PAK1: variants seen among roughly 807,000 people sequenced by gnomAD.
The protein encoded by PAK1 is serine/threonine-protein kinase PAK 1.
Under a neutral mutation model 67.4 loss-of-function variants are expected in PAK1, and 29 were observed. That is an observed-to-expected ratio of 0.43 (90% confidence interval 0.32 to 0.59). The LOEUF (loss-of-function observed/expected upper bound fraction) is 0.59. PAK1 is among the 20% of genes least tolerant of loss of function. The pLI is 0.07. For synonymous variants in PAK1, 223 were observed against 237.4 expected, an observed-to-expected ratio of 0.94 and a Z score of 0.56; for missense variants, 337 against 670.7, an observed-to-expected ratio of 0.50 and a Z score of 5.50.
intron 5 of PAK1, among the ~76,000 whole-genome samples, chr11:77,359,587 T>C (rs1946504140): frequency 6.6e-6 from 1 of 152,146 alleles, no homozygotes; most frequent in Admixed American, 6.5e-5. Context: ...ATCAGGATCA[T>C]GTTATCTAAA....
intron 14 of PAK1, among the ~76,000 whole-genome samples, chr11:77,325,168 T>C (rs147558547): frequency 3.0e-3 from 461 of 152,296 alleles, no homozygotes; most frequent in African/African-American, 0.011. Flanking sequence ...CAACATCGAA[T>C]TGGGAGGCCT....
intron 1 of PAK1, among the ~76,000 whole-genome samples, chr11:77,398,827 T>C (rs1952197721): frequency 6.6e-6 from 1 of 152,368 alleles, no homozygotes; most frequent in Middle Eastern, 3.4e-3. Flanking sequence ...GAGGTAATTC[T>C]AGCCCCTTTG....
the PAK1 span, among the ~76,000 whole-genome samples, chr11:77,505,681 T>A: frequency 6.6e-5 from 10 of 152,264 alleles, no homozygotes; most frequent in Admixed American, 5.9e-4. Context: ...CTTTTGTGAC[T>A]GGCTTATTTC....
chr11:77,400,644 C>A (rs1489362824), intron 1 of PAK1, among the ~76,000 whole-genome samples: 1 of 152,172 alleles, frequency 6.6e-6, no homozygotes, highest in African/African-American at 2.4e-5. Flanking sequence ...AAGAGAGTTG[C>A]TAAAATTCTA....
intron 1 of PAK1, among the ~76,000 whole-genome samples, chr11:77,459,626 T>C (rs2018754423): frequency 6.6e-6 from 1 of 151,502 alleles, no homozygotes; most frequent in African/African-American, 2.4e-5. Flanking sequence ...CACAAATCAT[T>C]ATAAATGCCA....
intron 2 of PAK1, 80 bp from the exon 3 acceptor site, chr11:77,380,074 G>T: frequency 9.7e-7 from 1 of 1,029,634 alleles, no homozygotes. Flanking sequence ...TTATTGAGCT[G>T]TAGTCTCCTT....
chr11:77,340,451 A>G (rs1943425668), intron 11 of PAK1, among the ~76,000 whole-genome samples, 195 bp downstream of exon 11: 1 of 151,900 alleles, frequency 6.6e-6, no homozygotes, highest in Non-Finnish European at 1.5e-5. Flanking sequence ...TGGGTAGAAT[A>G]AAGTTATCGT....
At chr11:77,392,071 A>T (rs1016670732) in intron 2 of PAK1, among the ~76,000 whole-genome samples, 3 of 152,250 alleles carry the variant, frequency 2.0e-5, no homozygotes, top group Non-Finnish European at 4.4e-5. Context: ...TTTAAAAATA[A>T]ATAAATCACT....
At chr11:77,507,920 G>A in the PAK1 span, among the ~76,000 whole-genome samples, 2 of 152,066 alleles carry the variant, frequency 1.3e-5, no homozygotes, top group South Asian at 2.1e-4. Context: ...ATGAATTTTT[G>A]CATCTATATG....
intron 2 of PAK1, among the ~76,000 whole-genome samples, chr11:77,380,390 A>G (rs761178318): frequency 2.6e-5 from 4 of 152,148 alleles, no homozygotes; most frequent in Non-Finnish European, 5.9e-5. Context: ...CTACTTGTGA[A>G]GCTGAGGCAA....
At chr11:77,474,763 T>C (rs555127762), upstream of PAK1, 1 of 152,298 alleles carries the variant, frequency 6.6e-6, no homozygotes, top group Non-Finnish European at 1.5e-5. Flanking sequence ...AGAATGGGCT[T>C]CCTTTCACGT....
Position 77,343,037 on chromosome 11 carries a change from T to C in PAK1, c.998+782A>G, listed in dbSNP as rs116318127. 3.7e-3 allele frequency among the ~76,000 whole-genome samples: 569 copies of C among 152,252 alleles called. 6 individuals carry two copies. Among genetic ancestry groups the C allele is most frequent in the African/African-American group, 0.013 (530 of 41,542 alleles). On this transcript the variant is annotated intron_variant, in intron 10 of 14. Coordinates refer to ENST00000356341, the MANE Select transcript of PAK1 (RefSeq NM_002576.5). ...GTTATTAACGTCTATAAACCTCAGT[T>C]TCCTTGTCTGTAAAATATGGATAAA...
the PAK1 span, among the ~76,000 whole-genome samples, chr11:77,484,937 C>G: frequency 2.7e-4 from 41 of 152,300 alleles, 1 homozygote; most frequent in East Asian, 7.9e-3. Context: ...CAAGTCACAT[C>G]TTACTTGGAT....
At chr11:77,383,994 C>A (rs1281130835) in intron 2 of PAK1, among the ~76,000 whole-genome samples, 1 of 152,116 alleles carries the variant, frequency 6.6e-6, no homozygotes, top group Non-Finnish European at 1.5e-5. Context: ...CTTCAATCTG[C>A]AAAATAGGAC....
intron 1 of PAK1, among the ~76,000 whole-genome samples, chr11:77,472,314 G>A (rs1957898858): frequency 6.6e-6 from 1 of 152,154 alleles, no homozygotes; most frequent in Non-Finnish European, 1.5e-5. Context: ...AGTTGAGGTG[G>A]GGAGTTTTTA....
At chr11:77,518,457 TG>T in the PAK1 span, among the ~76,000 whole-genome samples, 11 of 152,186 alleles carry the variant, frequency 7.2e-5, no homozygotes, top group Non-Finnish European at 1.3e-4. Flanking sequence ...AAACAAAAGT[TG>T]TATCTACTTA....
the PAK1 span, among the ~76,000 whole-genome samples, chr11:77,510,704 G>A: frequency 4.6e-5 from 7 of 152,222 alleles, no homozygotes; most frequent in East Asian, 3.9e-4. Flanking sequence ...GATATTATTC[G>A]TAATGTTCTC....
At chr11:77,338,790 C>T (rs1003054021) in intron 11 of PAK1, among the ~76,000 whole-genome samples, 5 of 152,194 alleles carry the variant, frequency 3.3e-5, no homozygotes, top group Non-Finnish European at 5.9e-5. Flanking sequence ...ATCTTTGAAA[C>T]ATAATGCTAG....
intron 5 of PAK1, among the ~76,000 whole-genome samples, chr11:77,360,278 C>A (rs954761695): frequency 6.6e-6 from 1 of 152,028 alleles, no homozygotes; most frequent in African/African-American, 2.4e-5. Context: ...CTGACAGTGC[C>A]GGGCATATAT....
Sources: allele counts gnomAD v4.1 joint callset (sites outside exome capture counted in the v4.1 genomes callset), GRCh38; gene constraint gnomAD v4.1.1; transcripts MANE v1.5; gene names NCBI Gene and HGNC (gene_info 2026-07-23, HGNC 2026-07-21).